Variants in CLCN6 observed in about 807,000 individuals in gnomAD.
CLCN6 encodes H(+)/Cl(-) exchange transporter 6.
A neutral mutation model predicts 109.8 loss-of-function variants in CLCN6; 70 were observed. The ratio of observed to expected loss-of-function variants is 0.64; its 90% CI spans 0.53 to 0.78. CLCN6 has a LOEUF of 0.78. CLCN6 is among the 30% of genes least tolerant of loss of function. CLCN6 has a pLI of 0.00. For synonymous variants in CLCN6, 444 were observed against 447.8 expected (o/e 0.99, Z 0.11); for missense variants, 984 against 1,142.3 (o/e 0.86, Z 2.00).
intron 22 of CLCN6, chr1:11,839,006 C>T (rs749981800): frequency 2.7e-5 from 18 of 660,860 alleles, no homozygotes; most frequent in Non-Finnish European, 4.8e-5. Flanking sequence ...GAATTTCAAG[C>T]AAAATACTTT....
chr1:11,823,846 C>G lies in CLCN6; in HGVS notation c.580+13C>G, dbSNP rs377120225. 14 of 1,613,578 alleles carry G rather than the reference C, an allele frequency of 8.7e-6. No homozygotes were observed. In the African/African-American group the frequency reaches 9.3e-5, roughly 11 times the overall value. ...AGTGTGGCTGGAGGTAAGAAGGGTC[C>G]AACTTGTATCCTTCAAATACTCAAA... On this transcript the variant is annotated intron_variant, in intron 7 of 22. Coordinates refer to ENST00000346436, the MANE Select transcript of CLCN6 (RefSeq NM_001286.5).
chr1:11,829,603 T>G (rs990756601), intron 13 of CLCN6, among the ~76,000 whole-genome samples: 3 of 143,490 alleles, frequency 2.1e-5, no homozygotes, highest in Non-Finnish European at 4.6e-5. Flanking sequence ...GGAACAACCC[T>G]GGCGTCACAG....
intron 8 of CLCN6, among the ~76,000 whole-genome samples, chr1:11,825,943 C>T (rs1050574373): frequency 1.3e-5 from 2 of 152,184 alleles, no homozygotes; most frequent in Non-Finnish European, 1.5e-5. Flanking sequence ...TCCTTTTTTC[C>T]CAAGTTGCTG....
chr1:11,833,579 T>C lies in CLCN6; in HGVS notation c.1313T>C (p.Met438Thr). Residue 438 changes from methionine (M) to threonine (T), a missense_variant, in exon 14 of 23, where the codon ATG (methionine) becomes ACG (threonine). Met to Thr is a moderately conservative substitution (Grantham distance 81). Coordinates refer to ENST00000346436, the MANE Select transcript of CLCN6 (RefSeq NM_001286.5). ...TGTCCCAATGATACCTACAATGACA[T>C]GGCCACACTCTTCTTCAACCCGCAG... ...FFCPNDTYND[M>T]ATLFFNPQES... The C allele has an allele frequency of 1.9e-6, 3 of 1,614,084 alleles. No homozygotes were observed. Among genetic ancestry groups the C allele is most frequent in the Non-Finnish European group, 2.5e-6 (3 of 1,180,012 alleles).
intron 22 of CLCN6, 56 bp from the exon 23 acceptor site, chr1:11,840,087 T>C: frequency 6.9e-7 from 1 of 1,439,750 alleles, no homozygotes; most frequent in South Asian, 1.1e-5. Flanking sequence ...CTGTCACTCC[T>C]GTTCTCGCCA....
chr1:11,839,992 G>A (rs1385188903), intron 22 of CLCN6, 151 bp from the exon 23 acceptor site: 14 of 695,388 alleles, frequency 2.0e-5, no homozygotes, highest in South Asian at 9.6e-5. Flanking sequence ...GTGAGCCCTC[G>A]TTAGCTGTTT....
chr1:11,818,566 C>T (rs1389093437), intron 4 of CLCN6, among the ~76,000 whole-genome samples: 1 of 152,188 alleles, frequency 6.6e-6, no homozygotes, highest in African/African-American at 2.4e-5. Context: ...AACTCTTGTC[C>T]ATTGATGTGT....
chr1:11,822,895 A>G, intron 6 of CLCN6, 94 bp downstream of exon 6: 1 of 812,114 alleles, frequency 1.2e-6, no homozygotes, highest in Admixed American at 2.1e-5. Flanking sequence ...GAAACTGAGA[A>G]TGCAGATTCC....
At position 11,833,723 on chromosome 1, in the gene CLCN6, C is replaced by G. The variant is rs1002072217; in HGVS notation, c.1372+85C>G. The G allele has an allele frequency of 2.1e-5, 34 of 1,585,652 alleles. No individual in the cohort carries two copies. The Admixed American group carries it at 5.9e-4, about 28-fold the overall frequency. On this transcript the variant is annotated intron_variant, in intron 14 of 22. Coordinates refer to ENST00000346436, the MANE Select transcript of CLCN6 (RefSeq NM_001286.5). ...GCTTGCCCTTCATTCCAAGCAAGAC[C>G]AGGACTTCTTTGTAACGCCCACCCA...
In CLCN6 at chr1:11,824,573, T is replaced by C. The variant is rs746740245; in HGVS notation, c.648+20T>C. 10 of 1,606,880 alleles carry C rather than the reference T, an allele frequency of 6.2e-6. No homozygotes were observed. The South Asian group carries it at 9.9e-5, about 16-fold the overall frequency. Reference sequence around the variant, plus strand: ...CCTCAGGTAAGATGGGCTGAGAGGGTGTGGGCCTCTGGGCAGGCCTAGTGG... The same window carrying C: ...CCTCAGGTAAGATGGGCTGAGAGGGCGTGGGCCTCTGGGCAGGCCTAGTGG... On this transcript the variant is annotated intron_variant, in intron 8 of 22. Coordinates refer to ENST00000346436, the MANE Select transcript of CLCN6 (RefSeq NM_001286.5).
chr1:11,823,219 G>C (rs1644768203), intron 6 of CLCN6, among the ~76,000 whole-genome samples: 1 of 152,194 alleles, frequency 6.6e-6, no homozygotes, highest in African/African-American at 2.4e-5. Context: ...CACTTTGGGA[G>C]GCCAAGGCGG....
chr1:11,818,862 G>C lies in CLCN6; in HGVS notation c.280-626G>C, dbSNP rs1014724903. Among the ~76,000 whole-genome samples the C allele has an allele frequency of 2.0e-5, 3 of 152,092 alleles. No homozygotes were observed. In the South Asian group the frequency reaches 6.2e-4, roughly 32 times the overall value. ...GAGGCAGGAGGATCTCTTAAACCCT[G>C]GAGTTCAAGGCCAGCCTAGGCAATA... is the stretch of plus-strand genomic sequence containing the variant. On this transcript the variant is annotated intron_variant, in intron 4 of 22. Coordinates refer to ENST00000346436, the MANE Select transcript of CLCN6 (RefSeq NM_001286.5).
chr1:11,831,477 T>C (rs1339613687), intron 13 of CLCN6, among the ~76,000 whole-genome samples: 1 of 152,018 alleles, frequency 6.6e-6, no homozygotes, highest in East Asian at 1.9e-4. Flanking sequence ...TTTAAAGGGT[T>C]GAGAGAAAAA....
At chr1:11,812,632 A>C (rs79448237) in intron 2 of CLCN6, among the ~76,000 whole-genome samples, 14,621 of 143,482 alleles carry the variant, frequency 0.1, 802 homozygotes, top group South Asian at 0.16. Flanking sequence ...AAAAGATACC[A>C]CGGCTCAAAA....
intron 2 of CLCN6, among the ~76,000 whole-genome samples, chr1:11,812,664 T>TGTGTGTGTG (rs1644615747): frequency 1.7e-4 from 21 of 127,020 alleles, no homozygotes; most frequent in African/African-American, 6.2e-4. Flanking sequence ...CAAAGTATGT[T>TGTGTGTGTG]TGTGTGTGTG....
intron 13 of CLCN6, among the ~76,000 whole-genome samples, chr1:11,831,626 G>A (rs557862161): frequency 2.0e-5 from 3 of 152,266 alleles, no homozygotes; most frequent in Admixed American, 6.5e-5. Context: ...ACCTTGATGC[G>A]TGTGATTTAA....
At chr1:11,826,358 TCTG>T in intron 9 of CLCN6, 144 bp downstream of exon 9, 1 of 678,814 alleles carries the variant, frequency 1.5e-6, no homozygotes, top group Non-Finnish European at 2.6e-6. Flanking sequence ...GAACTTTTCT[TCTG>T]GAAATAAGAA....
chr1:11,825,482 C>T (rs1399754040), intron 8 of CLCN6, among the ~76,000 whole-genome samples: 2 of 152,252 alleles, frequency 1.3e-5, no homozygotes, highest in African/African-American at 4.8e-5. Flanking sequence ...CGTCCCCTTC[C>T]CTCAGCTCAG....
At chr1:11,823,579 C>A in intron 6 of CLCN6, 128 bp from the exon 7 acceptor site, 1 of 1,246,336 alleles carries the variant, frequency 8.0e-7, no homozygotes, top group East Asian at 2.4e-5. Flanking sequence ...TTCTGCAAGC[C>A]CTCCAGGTGA....
Sources: allele counts gnomAD v4.1 joint callset (sites outside exome capture counted in the v4.1 genomes callset), GRCh38; gene constraint gnomAD v4.1.1; transcripts MANE v1.5; gene names NCBI Gene and HGNC (gene_info 2026-07-23, HGNC 2026-07-21).